Variants in COL4A4 observed in about 807,000 individuals in gnomAD.
COL4A4 encodes the protein collagen alpha-4(IV) chain.
COL4A4 carries 105 observed loss-of-function variants against 192.9 expected under a neutral mutation model. That is an observed-to-expected ratio of 0.54 (90% CI 0.46 to 0.64). COL4A4 has a LOEUF of 0.64. COL4A4 is among the 30% of genes least tolerant of loss of function. The probability of loss-of-function intolerance (pLI) is 0.00; values close to 1 mark genes in which losing one functional copy is unlikely to be tolerated. For synonymous variants in COL4A4, 762 were observed against 769.9 expected (o/e 0.99, Z 0.17); for missense variants, 1,967 against 2,169.3 (o/e 0.91, Z 1.85).
chr2:227,028,117 G>A (rs1967387459), intron 41 of COL4A4, 108 bp from the exon 42 acceptor site: 1 of 812,166 alleles, frequency 1.2e-6, no homozygotes, highest in Admixed American at 2.1e-5. Context: ...AAAATGCAGG[G>A]CATAGCTAGC....
At chr2:227,104,638 C>CTTT (rs373008018) in intron 12 of COL4A4, among the ~76,000 whole-genome samples, 20 of 110,324 alleles carry the variant, frequency 1.8e-4, no homozygotes, top group Non-Finnish European at 2.7e-4. Flanking sequence ...TCTATTAAAA[C>CTTT]TTTTTTTTTT....
At chr2:227,074,222 A>G (rs1181754071) in intron 25 of COL4A4, among the ~76,000 whole-genome samples, 1 of 152,204 alleles carries the variant, frequency 6.6e-6, no homozygotes, top group Non-Finnish European at 1.5e-5. Flanking sequence ...AAATAATCCC[A>G]TTAAAAAGTG....
chr2:227,032,105 T>G (rs761281225), intron 39 of COL4A4, 43 bp downstream of exon 39: 1 of 1,614,140 alleles, frequency 6.2e-7, no homozygotes, highest in East Asian at 2.2e-5. Flanking sequence ...TGGAAGGTTT[T>G]GGTTTAGTTA....
chr2:227,029,531 A>C (rs908429523), intron 41 of COL4A4, among the ~76,000 whole-genome samples: 3 of 152,178 alleles, frequency 2.0e-5, no homozygotes, highest in Admixed American at 6.5e-5. Flanking sequence ...TCTGTGACCT[A>C]ATCTTTTGCC....
intron 1 of COL4A4, 136 bp from the exon 2 acceptor site, chr2:227,147,720 G>A (rs1559743456): frequency 7.5e-6 from 3 of 400,536 alleles, no homozygotes; most frequent in African/African-American, 2.1e-5. Context: ...TGGTGAAACT[G>A]AATAAATATC....
At position 227,012,409 on chromosome 2, in the gene COL4A4, T is replaced by C; in HGVS notation, c.4217-112A>G. ...GCCAGCCCCAGGCTTCCTTCCCACT[T>C]TGACTGAATGCATCAGCTCATTTAG... On this transcript the variant is annotated intron_variant, in intron 44 of 47. Coordinates refer to ENST00000396625, the MANE Select transcript of COL4A4 (RefSeq NM_000092.5). The C allele has an allele frequency of 2.5e-6, 2 of 796,284 alleles. 1 individual carries two copies. The highest frequency in any genetic ancestry group is 5.6e-4 in the Middle Eastern group (2 of 3,600). 49.3% of individuals were successfully genotyped at this position (796,284 alleles called of 1,614,324 possible).
intron 31 of COL4A4, among the ~76,000 whole-genome samples, chr2:227,053,352 G>A (rs1209519451): frequency 6.6e-6 from 1 of 151,766 alleles, no homozygotes; most frequent in Non-Finnish European, 1.5e-5. Context: ...AGGCCTTAAG[G>A]GCAAAAATCC....
At chr2:226,990,100 G>C in the COL4A4 span, among the ~76,000 whole-genome samples, 6 of 152,318 alleles carry the variant, frequency 3.9e-5, no homozygotes, top group African/African-American at 9.6e-5. Flanking sequence ...TTTATAAAGA[G>C]AGAATATTAT....
At chr2:227,109,001 A>T in intron 10 of COL4A4, 133 bp from the exon 11 acceptor site, 2 of 992,770 alleles carry the variant, frequency 2.0e-6, no homozygotes, top group Non-Finnish European at 3.3e-6. Context: ...TGGAGTTTCT[A>T]TCATGGATGG....
intron 26 of COL4A4, among the ~76,000 whole-genome samples, chr2:227,061,037 T>C (rs961594365): frequency 6.6e-6 from 1 of 152,132 alleles, no homozygotes; most frequent in African/African-American, 2.4e-5. Flanking sequence ...AGAGAATCTA[T>C]TTTAAACCTT....
intron 25 of COL4A4, among the ~76,000 whole-genome samples, chr2:227,075,941 A>G (rs1022730135): frequency 6.6e-6 from 1 of 152,160 alleles, no homozygotes; most frequent in African/African-American, 2.4e-5. Flanking sequence ...AATATGAAGG[A>G]CCTCTTCAAG....
chr2:227,060,115 A>C (rs55820723), intron 27 of COL4A4, 21 bp downstream of exon 27: 18,218 of 1,305,584 alleles, frequency 0.014, 182 homozygotes, highest in Middle Eastern at 0.038. Flanking sequence ...AAAAAAAAAA[A>C]AAAAAAAAAA....
the COL4A4 span, among the ~76,000 whole-genome samples, chr2:226,971,501 A>G: frequency 1.2e-4 from 18 of 152,358 alleles, no homozygotes; most frequent in South Asian, 3.7e-3. Flanking sequence ...CAGCTAAGGC[A>G]TGAGAAAGAA....
At chr2:227,048,568 C>T (rs1464624879) in intron 34 of COL4A4, among the ~76,000 whole-genome samples, 2 of 152,112 alleles carry the variant, frequency 1.3e-5, no homozygotes, top group Non-Finnish European at 2.9e-5. Context: ...AAAAAATAGA[C>T]CATGGGAAAA....
At chr2:227,021,741 C>T (rs968820127) in intron 44 of COL4A4, among the ~76,000 whole-genome samples, 6 of 152,162 alleles carry the variant, frequency 3.9e-5, no homozygotes, top group African/African-American at 9.6e-5. Context: ...AGGAGAATGG[C>T]GTGAACCTGG....
At chr2:227,093,628 A>G (rs190980458) in intron 20 of COL4A4, among the ~76,000 whole-genome samples, 2 of 152,100 alleles carry the variant, frequency 1.3e-5, no homozygotes, top group Admixed American at 6.5e-5. Flanking sequence ...CTGCCAAACT[A>G]TCTTTAAAAA....
At chr2:227,044,303 G>A (rs1440100636) in intron 35 of COL4A4, among the ~76,000 whole-genome samples, 1 of 152,234 alleles carries the variant, frequency 6.6e-6, no homozygotes, top group Non-Finnish European at 1.5e-5. Flanking sequence ...TAAAGAGGAT[G>A]ACTATTTCCC....
At chr2:227,078,530 T>A (rs2059157083) in intron 24 of COL4A4, among the ~76,000 whole-genome samples, 2 of 152,246 alleles carry the variant, frequency 1.3e-5, no homozygotes, top group Admixed American at 1.3e-4. Flanking sequence ...CCACCGCGCC[T>A]GGCCAATATA....
chr2:227,148,386 T>G (rs2063694325), intron 1 of COL4A4, among the ~76,000 whole-genome samples: 1 of 152,216 alleles, frequency 6.6e-6, no homozygotes, highest in East Asian at 1.9e-4. Context: ...TTGTGCCAAG[T>G]GAAAGAAGCC....
Sources: gnomAD v4.1 joint callset for allele counts (sites outside exome capture counted in the v4.1 genomes callset) on GRCh38, gnomAD v4.1.1 for gene constraint, MANE v1.5 for transcripts, NCBI Gene and HGNC (gene_info 2026-07-23, HGNC 2026-07-21) for gene names.